The following PTPRT variants were observed in gnomAD, a reference collection of about 807,000 sequenced individuals.
PTPRT encodes the protein receptor-type tyrosine-protein phosphatase T.
PTPRT carries 56 observed loss-of-function variants against 176.8 expected under a neutral mutation model. The observed-to-expected ratio is 0.32, with a 90% CI of 0.26 to 0.40. The LOEUF is 0.40. Among genes scored for constraint, PTPRT ranks in the 10% least tolerant of loss-of-function variants. PTPRT has a pLI of 1.00. For synonymous variants in PTPRT, 783 were observed against 739.0 expected (o/e 1.06, Z -0.96); for missense variants, 1,540 against 1,908.2 (o/e 0.81, Z 3.60).
In PTPRT at chr20:42,251,416, C is replaced by T. The variant is rs147643712; in HGVS notation, c.2177-2594G>A. Among the ~76,000 whole-genome samples, 662 of 152,208 alleles carry T rather than the reference C, an allele frequency of 4.3e-3. 4 individuals carry two copies. Among genetic ancestry groups the T allele is most frequent in the Admixed American group, 6.2e-3 (95 of 15,288 alleles). On this transcript the variant is annotated intron_variant, in intron 13 of 30. Coordinates refer to ENST00000373187, the MANE Select transcript of PTPRT (RefSeq NM_007050.6). ...AGTGGTGAGCAAAACAGGAACAGTTCCTGCTCTCAAAGAGTCTACAATTAG... is the reference window on the plus strand; with the variant it reads ...AGTGGTGAGCAAAACAGGAACAGTTTCTGCTCTCAAAGAGTCTACAATTAG...
intron 17 of PTPRT, 98 bp downstream of exon 17, chr20:42,161,254 G>A (rs1346782715): frequency 4.3e-6 from 6 of 1,387,746 alleles, no homozygotes; most frequent in Non-Finnish European, 4.1e-6. Flanking sequence ...TGATACTGAG[G>A]CTGCTGGCCA....
At chr20:43,042,820 T>C (rs1224376167) in intron 1 of PTPRT, among the ~76,000 whole-genome samples, 2 of 151,702 alleles carry the variant, frequency 1.3e-5, no homozygotes, top group Non-Finnish European at 2.9e-5. Context: ...TAATGGTTTA[T>C]GCCACTCTCT....
At chr20:42,115,580 A>G (rs531881269) in intron 21 of PTPRT, among the ~76,000 whole-genome samples, 10 of 152,374 alleles carry the variant, frequency 6.6e-5, no homozygotes, top group Non-Finnish European at 1.3e-4. Context: ...TTTCCAATGC[A>G]TTATCACACT....
chr20:42,738,383 G>A (rs1345248627), intron 6 of PTPRT, among the ~76,000 whole-genome samples: 6 of 151,974 alleles, frequency 3.9e-5, no homozygotes, highest in African/African-American at 1.4e-4. Context: ...ATGGTGGCAG[G>A]TGCCTGTAAT....
At position 42,488,821 on chromosome 20, in the gene PTPRT, G is replaced by A. The variant is rs147566895; in HGVS notation, c.1154-16259C>T. ...CTCTACTAAAAATACAAAATTAGCCGGACATGGTGGTGCATGCCTGTAATC... is the reference window on the plus strand; with the variant it reads ...CTCTACTAAAAATACAAAATTAGCCAGACATGGTGGTGCATGCCTGTAATC... On this transcript the variant is annotated intron_variant, in intron 7 of 30. Coordinates refer to ENST00000373187, the MANE Select transcript of PTPRT (RefSeq NM_007050.6). Among the ~76,000 whole-genome samples, 1,199 of 151,898 alleles carry A rather than the reference G, an allele frequency of 7.9e-3. 11 individuals carry two copies. The highest frequency in any genetic ancestry group is 0.014 in the Middle Eastern group (4 of 292).
chr20:42,675,341 G>A (rs915311971), intron 7 of PTPRT, among the ~76,000 whole-genome samples: 8 of 152,160 alleles, frequency 5.3e-5, no homozygotes, highest in Non-Finnish European at 1.0e-4. Context: ...TACCTAATAC[G>A]ATATCTTGGG....
At chr20:43,015,948 G>GA (rs367560612) in intron 1 of PTPRT, among the ~76,000 whole-genome samples, 34,670 of 127,994 alleles carry the variant, frequency 0.27, 4,358 homozygotes, top group African/African-American at 0.35. Flanking sequence ...ATTTCAAAAA[G>GA]AAAAAAAAAA....
intron 29 of PTPRT, among the ~76,000 whole-genome samples, 198 bp from the exon 30 acceptor site, chr20:42,082,215 G>C (rs1291081466): frequency 6.6e-6 from 1 of 152,244 alleles, no homozygotes; most frequent in African/African-American, 2.4e-5. Context: ...CCTTGGCCAA[G>C]TCACTTCCTC....
rs535296592 is a variant in PTPRT, at chr20:43,181,010, G to A, written c.88+8636C>T. ...CTTCCATCTTGCTCACACTCTCTCCGGCTCTCTCACTTGCTCACTCTGACA... is the reference window on the plus strand; with the variant it reads ...CTTCCATCTTGCTCACACTCTCTCCAGCTCTCTCACTTGCTCACTCTGACA... On this transcript the variant is annotated intron_variant, in intron 1 of 30. Coordinates refer to ENST00000373187, the MANE Select transcript of PTPRT (RefSeq NM_007050.6). Among the ~76,000 whole-genome samples, 36 of 152,168 alleles carry A rather than the reference G, an allele frequency of 2.4e-4. No homozygotes were observed. In the South Asian group the frequency reaches 6.0e-3, roughly 26 times the overall value.
Position 42,916,212 on chromosome 20 carries a change from G to A in PTPRT, c.89-30280C>T, listed in dbSNP as rs1978745508. Among the ~76,000 whole-genome samples the A allele has an allele frequency of 2.7e-5, 4 of 146,256 alleles. No homozygotes were observed. The South Asian group carries it at 8.7e-4, about 32-fold the overall frequency. ...TCCCACCTATGAGTGAGAACATGCA[G>A]TGTTTGGTTTTATGTCCTTGCGATA... On this transcript the variant is annotated intron_variant, in intron 1 of 30. Coordinates refer to ENST00000373187, the MANE Select transcript of PTPRT (RefSeq NM_007050.6).
At chr20:42,072,606 C>T (rs567221144), downstream of PTPRT, 12 of 174,572 alleles carry the variant, frequency 6.9e-5, no homozygotes, top group South Asian at 2.0e-4. Context: ...TCAACTTTTT[C>T]GTCTGCAAAG....
intron 5 of PTPRT, among the ~76,000 whole-genome samples, chr20:42,764,186 C>A (rs1055008831): frequency 6.6e-6 from 1 of 152,022 alleles, no homozygotes; most frequent in African/African-American, 2.4e-5. Context: ...ATAAGGCCTG[C>A]GATGCACCCT....
chr20:42,199,116 A>G (rs1991346093), intron 16 of PTPRT, 124 bp downstream of exon 16: 2 of 1,159,500 alleles, frequency 1.7e-6, no homozygotes, highest in Non-Finnish European at 2.4e-6. Context: ...ATCCCAGTCC[A>G]TATCAGGCAA....
At chr20:42,667,773 G>A (rs2075341129) in intron 7 of PTPRT, among the ~76,000 whole-genome samples, 1 of 152,194 alleles carries the variant, frequency 6.6e-6, no homozygotes, top group African/African-American at 2.4e-5. Flanking sequence ...TAGCTGAAGG[G>A]CAGTAGTGCA....
At chr20:42,601,159 C>G (rs918017746) in intron 7 of PTPRT, among the ~76,000 whole-genome samples, 5 of 152,152 alleles carry the variant, frequency 3.3e-5, no homozygotes, top group African/African-American at 1.2e-4. Flanking sequence ...GAGCTACTCT[C>G]CATAGTGGAA....
At position 42,617,775 on chromosome 20, in the gene PTPRT, T is replaced by C. The variant is rs1484714721; in HGVS notation, c.1153+60091A>G. Among the ~76,000 whole-genome samples, 21 of 139,202 alleles carry C rather than the reference T, an allele frequency of 1.5e-4. 4 individuals are homozygous for C. The highest frequency in any genetic ancestry group is 8.3e-4 in the Admixed American group (12 of 14,522). 91.3% of individuals were successfully genotyped at this position (139,202 alleles called of 152,430 possible). On this transcript the variant is annotated intron_variant, in intron 7 of 30. Transcript: ENST00000373187. ...ATAGTAGTTTGTATTTCTGTGGGAT[T>C]GGTGGTGATATCCCCTTTATCATTT... is the stretch of plus-strand genomic sequence containing the variant.
intron 6 of PTPRT, among the ~76,000 whole-genome samples, chr20:42,739,910 C>G (rs73269855): frequency 0.01 from 1,549 of 152,274 alleles, 23 homozygotes; most frequent in African/African-American, 0.034. Flanking sequence ...GTATGCCCAG[C>G]ATTCCTATTG....
chr20:42,435,128 G>GTA (rs10651190), intron 9 of PTPRT, among the ~76,000 whole-genome samples: 2,223 of 150,438 alleles, frequency 0.015, 47 homozygotes, highest in African/African-American at 0.052. Flanking sequence ...GATGAGCTAT[G>GTA]TATATATATA....
At position 42,783,805 on chromosome 20, in the gene PTPRT, T is replaced by C. The variant is rs368950438; in HGVS notation, c.487-3506A>G. Among the ~76,000 whole-genome samples the C allele has an allele frequency of 4.4e-4, 67 of 152,010 alleles. 1 individual carries two copies. The South Asian group carries it at 0.013, about 29-fold the overall frequency. ...GAAATGGGAGAGCCAGGGGAGTGAG[T>C]AGAGAAGTCTAGAGGTGACTCTGGT... On this transcript the variant is annotated intron_variant, in intron 3 of 30. Coordinates refer to ENST00000373187, the MANE Select transcript of PTPRT (RefSeq NM_007050.6).
Sources: allele counts gnomAD v4.1 joint callset (sites outside exome capture counted in the v4.1 genomes callset), GRCh38; gene constraint gnomAD v4.1.1; transcripts MANE v1.5; gene names NCBI Gene and HGNC (gene_info 2026-07-23, HGNC 2026-07-21).